ANKFN1: variants seen among roughly 807,000 people sequenced by gnomAD.
ANKFN1 encodes the protein ankyrin repeat and fibronectin type-III domain-containing protein 1.
Under a neutral mutation model 108.7 loss-of-function variants are expected in ANKFN1, and 74 were observed. The observed-to-expected ratio is 0.68, with a 90% confidence interval of 0.56 to 0.83. The LOEUF (loss-of-function observed/expected upper bound fraction) is 0.83. ANKFN1 is among the 40% of genes least tolerant of loss of function. The pLI, the probability that ANKFN1 is intolerant of heterozygous loss-of-function variation, is 0.00. For synonymous variants in ANKFN1, 547 were observed against 516.2 expected, an observed-to-expected ratio of 1.06 and a Z score of -0.81; for missense variants, 1,505 against 1,382.3, an observed-to-expected ratio of 1.09 and a Z score of -1.41.
At chr17:56,159,033 CAAAAAAAAAA>C (rs57878541) in intron 1 of ANKFN1, among the ~76,000 whole-genome samples, 1 of 71,016 alleles carries the variant, frequency 1.4e-5, no homozygotes, top group African/African-American at 5.4e-5. Flanking sequence ...TGGTCTAGGC[CAAAAAAAAAA>C]AAAAAAAAAA....
chr17:56,268,907 T>A (rs1205161499), intron 3 of ANKFN1, among the ~76,000 whole-genome samples: 2 of 152,272 alleles, frequency 1.3e-5, no homozygotes, highest in Middle Eastern at 3.4e-3. Flanking sequence ...GCCCTGGAGA[T>A]TTAAGATAAA....
upstream of ANKFN1, among the ~76,000 whole-genome samples, chr17:56,153,317 C>T (rs543341450): frequency 4.5e-4 from 69 of 152,342 alleles, no homozygotes; most frequent in South Asian, 0.014. Flanking sequence ...GGCACTTCCC[C>T]TGCCTCTCCT....
At chr17:56,510,446 T>C in intron 20 of ANKFN1, 27 bp from the exon 21 acceptor site, 1 of 1,528,348 alleles carries the variant, frequency 6.5e-7, no homozygotes, top group South Asian at 1.2e-5. Context: ...ACTATATTTT[T>C]CCTAACCTCA....
At chr17:56,102,699 G>A (rs556308801) in intron 4 of ANKFN1, among the ~76,000 whole-genome samples, 1 of 152,052 alleles carries the variant, frequency 6.6e-6, no homozygotes, top group South Asian at 2.1e-4. Flanking sequence ...ACTGAGGTGT[G>A]CATGCAGATT....
chr17:56,117,399 G>A (rs935031345), intron 4 of ANKFN1, among the ~76,000 whole-genome samples: 5 of 152,072 alleles, frequency 3.3e-5, no homozygotes, highest in African/African-American at 7.2e-5. Flanking sequence ...GTGAGCTCAC[G>A]GTAGTCATCA....
At chr17:56,237,094 A>C (rs181315076) in intron 3 of ANKFN1, among the ~76,000 whole-genome samples, 12 of 152,340 alleles carry the variant, frequency 7.9e-5, no homozygotes, top group African/African-American at 2.4e-4. Flanking sequence ...CCAACCTTGC[A>C]TACCAGGGAT....
chr17:56,367,926 T>C (rs2046702314), intron 6 of ANKFN1: 3 of 183,768 alleles, frequency 1.6e-5, no homozygotes, highest in African/African-American at 7.0e-5. Context: ...AATAGGTTGA[T>C]TTGTATTCTA....
intron 1 of ANKFN1, among the ~76,000 whole-genome samples, chr17:56,186,137 G>A (rs141895519): frequency 3.3e-4 from 50 of 152,258 alleles, no homozygotes; most frequent in Non-Finnish European, 5.1e-4. Context: ...AGTTTGGAGG[G>A]GGGTGGGTAG....
chr17:56,332,171 C>T (rs912549833), intron 4 of ANKFN1, among the ~76,000 whole-genome samples: 1 of 152,128 alleles, frequency 6.6e-6, no homozygotes, highest in Non-Finnish European at 1.5e-5. Flanking sequence ...TCACAACAAG[C>T]ATGATGGAGA....
intron 4 of ANKFN1, among the ~76,000 whole-genome samples, chr17:56,080,510 G>A (rs992838006): frequency 5.3e-5 from 8 of 152,182 alleles, no homozygotes; most frequent in African/African-American, 1.2e-4. Flanking sequence ...CAAGATAATC[G>A]TTGAGTGGCA....
chr17:56,072,766 A>G (rs1905135069), intron 4 of ANKFN1, among the ~76,000 whole-genome samples: 1 of 152,222 alleles, frequency 6.6e-6, no homozygotes, highest in Non-Finnish European at 1.5e-5. Flanking sequence ...AGTCGCAGTT[A>G]TTATCATGAA....
chr17:56,410,440 G>A (rs180905582), intron 8 of ANKFN1, among the ~76,000 whole-genome samples: 24 of 151,934 alleles, frequency 1.6e-4, no homozygotes, highest in Admixed American at 1.6e-3. Context: ...ATAGTTATGG[G>A]GTATAATATG....
chr17:56,324,679 C>T, intron 3 of ANKFN1, among the ~76,000 whole-genome samples: 1 of 152,166 alleles, frequency 6.6e-6, no homozygotes, highest in Non-Finnish European at 1.5e-5. Context: ...AAAACATAGC[C>T]CTCTAAACCT....
chr17:56,085,384 A>C (rs141306566), intron 4 of ANKFN1, among the ~76,000 whole-genome samples: 1 of 150,894 alleles, frequency 6.6e-6, no homozygotes, highest in East Asian at 1.9e-4. Flanking sequence ...AGGCCATGTG[A>C]AAACAGAGGC....
intron 1 of ANKFN1, among the ~76,000 whole-genome samples, chr17:56,196,806 A>G (rs1030675078): frequency 1.3e-5 from 2 of 152,188 alleles, no homozygotes; most frequent in African/African-American, 2.4e-5. Context: ...TTGAGCTGCC[A>G]TAGCTGTTCT....
chr17:56,079,483 C>T (rs1390506068), intron 4 of ANKFN1, among the ~76,000 whole-genome samples: 1 of 152,066 alleles, frequency 6.6e-6, no homozygotes, highest in Admixed American at 6.6e-5. Flanking sequence ...AGCTGACCTG[C>T]CCCATTCATC....
intron 8 of ANKFN1, among the ~76,000 whole-genome samples, chr17:56,386,095 G>C (rs1198207724): frequency 6.6e-6 from 1 of 151,990 alleles, no homozygotes; most frequent in African/African-American, 2.4e-5. Context: ...TGATAGACTG[G>C]ATTAAGAAAA....
chr17:56,137,516 T>C (rs1907668539), intron 4 of ANKFN1, among the ~76,000 whole-genome samples: 1 of 152,182 alleles, frequency 6.6e-6, no homozygotes, highest in African/African-American at 2.4e-5. Context: ...TCCTGCTTAC[T>C]TGTAAATCTT....
At position 56,457,967 on chromosome 17, in the gene ANKFN1, A is replaced by G. The variant is rs771502479; in HGVS notation, c.1545A>G (p.Thr515=). ...CTCGGCAGAAGATGCTCGCAGCAAC[A>G]GCACAGCTACAGGTAAGGGACCAGG... ...LQTRQKMLAA[T]AQLQNLLGTH... is the part of the protein sequence containing the mutation. Residue 515 remains threonine, a synonymous_variant, in exon 14 of 21, where the codon ACA becomes ACG. Transcript: ENST00000682825. 3 of 1,613,928 alleles carry G rather than the reference A, an allele frequency of 1.9e-6. No homozygotes were observed. The South Asian group carries it at 3.3e-5, about 18-fold the overall frequency.
Sources: allele counts gnomAD v4.1 joint callset (sites outside exome capture counted in the v4.1 genomes callset), GRCh38; gene constraint gnomAD v4.1.1; transcripts MANE v1.5; gene names NCBI Gene and HGNC (gene_info 2026-07-23, HGNC 2026-07-21).